CATSPERD: variants seen among roughly 807,000 people sequenced by gnomAD.
CATSPERD encodes the protein catsper channel auxiliary subunit delta.
CATSPERD carries 86 observed loss-of-function variants against 98.1 expected under a neutral mutation model. The observed-to-expected ratio is 0.88, with a 90% CI of 0.74 to 1.05. The LOEUF (loss-of-function observed/expected upper bound fraction) is 1.05, where lower values mean the gene tolerates loss of function less well. Among genes scored for constraint, CATSPERD ranks in the 50% least tolerant of loss-of-function variants. CATSPERD has a pLI of 0.00. For missense variants in CATSPERD, 995 were observed against 1,005.7 expected (o/e 0.99, Z 0.14); for synonymous variants, 394 against 390.2 (o/e 1.01, Z -0.12).
At chr19:5,762,059 T>TA (rs1491269022) in intron 15 of CATSPERD, among the ~76,000 whole-genome samples, 36 of 18,566 alleles carry the variant, frequency 1.9e-3, no homozygotes, top group African/African-American at 3.0e-3. Flanking sequence ...TATATATATA[T>TA]TTTTTTTTTT....
intron 3 of CATSPERD, among the ~76,000 whole-genome samples, chr19:5,728,356 CAAAAA>C (rs564166119): frequency 1.2e-5 from 1 of 80,944 alleles, no homozygotes. Flanking sequence ...GACTCTGTCT[CAAAAA>C]AAAAAAAAAA....
intron 2 of CATSPERD, among the ~76,000 whole-genome samples, chr19:5,725,631 G>A (rs561793990): frequency 1.3e-5 from 2 of 152,280 alleles, no homozygotes; most frequent in East Asian, 1.9e-4. Context: ...GCCAGGTGAG[G>A]TGGCTTATGC....
chr19:5,763,882 C>G (rs1040141546), intron 16 of CATSPERD, among the ~76,000 whole-genome samples: 1 of 69,510 alleles, frequency 1.4e-5, no homozygotes, highest in African/African-American at 4.4e-5. Flanking sequence ...GAGTCTTACT[C>G]TGTCGCCCAG....
In CATSPERD at chr19:5,722,417, G is replaced by A. The variant is rs371349495; in HGVS notation, c.71+1609G>A. 3.4e-4 allele frequency among the ~76,000 whole-genome samples: 52 copies of A among 152,176 alleles called. No individual in the cohort carries two copies. In the East Asian group the frequency reaches 5.6e-3, roughly 16 times the overall value. ...CTTACAGGCGTGTGCCACCGCGCCC[G>A]GCCAACACCCTTATTTTATAGATAC... On this transcript the variant is annotated intron_variant, in intron 1 of 21. Coordinates refer to ENST00000381624, the MANE Select transcript of CATSPERD (RefSeq NM_152784.4).
chr19:5,743,606 G>GAAAAA (rs58070165), intron 7 of CATSPERD, among the ~76,000 whole-genome samples: 5 of 140,058 alleles, frequency 3.6e-5, no homozygotes, highest in African/African-American at 8.0e-5. Context: ...CTCAAAAAAA[G>GAAAAA]AAAAAAAGAA....
In CATSPERD at chr19:5,724,846, TACAG is replaced by T. The variant is rs1282824554; in HGVS notation, c.111_114del (p.Ile37MetfsTer17). 6.2e-7 allele frequency: 1 copy of T among 1,613,994 alleles called. No individual in the cohort carries two copies. Among genetic ancestry groups the T allele is most frequent in the African/African-American group, 1.3e-5 (1 of 74,948 alleles). ...AGGACAGGAAAAGTGTTTAATCTGA[TACAG>T]GACGTTCAAGGGGTATGTGGCTCCA... is the stretch of plus-strand genomic sequence containing the variant. On this transcript the variant is annotated frameshift_variant, in exon 2 of 22. Coordinates refer to ENST00000381624, the MANE Select transcript of CATSPERD (RefSeq NM_152784.4). LOFTEE classifies it high-confidence loss of function.
intron 21 of CATSPERD, 144 bp from the exon 22 acceptor site, chr19:5,778,232 T>C (rs1006457495): frequency 1.8e-6 from 1 of 552,548 alleles, no homozygotes; most frequent in African/African-American, 2.1e-5. Context: ...AAAGGCATAG[T>C]GGATGGAAAC....
intron 1 of CATSPERD, among the ~76,000 whole-genome samples, chr19:5,721,244 C>G (rs1000246957): frequency 1.3e-5 from 2 of 152,116 alleles, no homozygotes; most frequent in Admixed American, 1.3e-4. Context: ...CCTCGTGACC[C>G]GCCTGCCTCG....
chr19:5,746,109 C>CT (rs766377761), intron 9 of CATSPERD, 46 bp downstream of exon 9: 5 of 1,588,926 alleles, frequency 3.1e-6, no homozygotes, highest in Non-Finnish European at 3.4e-6. Context: ...GTGGCCTCCT[C>CT]CAGAGGGGCC....
chr19:5,772,394 A>G, intron 19 of CATSPERD: 1 of 252,206 alleles, frequency 4.0e-6, no homozygotes, highest in South Asian at 3.5e-5. Flanking sequence ...CGCCCGGCTA[A>G]TTTTTTTTAT....
chr19:5,720,674 T>C lies in CATSPERD; in HGVS notation c.-64T>C. 4.6e-6 allele frequency: 7 copies of C among 1,514,286 alleles called. No individual in the cohort carries two copies. The highest frequency in any genetic ancestry group is 6.3e-6 in the Non-Finnish European group (7 of 1,107,810). 93.8% of individuals were successfully genotyped at this position (1,514,286 alleles called of 1,614,324 possible). Reference sequence around the variant, plus strand: ...GCGCAGGGCTTCAGCCTGCACGTACTCGGATTGTGCAGCGACTCCCCGTGG... The same window carrying C: ...GCGCAGGGCTTCAGCCTGCACGTACCCGGATTGTGCAGCGACTCCCCGTGG... On this transcript the variant is annotated 5_prime_UTR_variant, in exon 1 of 22. Transcript: ENST00000381624.
chr19:5,751,079 G>A (rs1231402967), intron 11 of CATSPERD, among the ~76,000 whole-genome samples: 1 of 150,266 alleles, frequency 6.7e-6, no homozygotes, highest in Non-Finnish European at 1.5e-5. Flanking sequence ...CGGGCATGGT[G>A]GTGCGACTGT....
At chr19:5,765,425 C>T (rs868034524) in intron 16 of CATSPERD, among the ~76,000 whole-genome samples, 5 of 126,888 alleles carry the variant, frequency 3.9e-5, no homozygotes, top group African/African-American at 2.2e-4. Flanking sequence ...TTCATTCATT[C>T]ATTCATTCAT....
chr19:5,770,875 G>A, intron 18 of CATSPERD, 69 bp from the exon 19 acceptor site: 2 of 1,527,066 alleles, frequency 1.3e-6, no homozygotes, highest in East Asian at 2.3e-5. Context: ...AGAAACTGCG[G>A]CTGTGAAGGG....
intron 10 of CATSPERD, 107 bp from the exon 11 acceptor site, chr19:5,748,994 T>C: frequency 1.2e-6 from 1 of 831,174 alleles, no homozygotes; most frequent in East Asian, 3.2e-5. Context: ...CCTCTCAAAG[T>C]GTTGGAATTA....
rs1017837155 is a variant in CATSPERD at position 5,720,647 on chromosome 19, A to G, written c.-91A>G. ...CCGCTCCCGGGACTCATTGATGCGC[A>G]TGCGCAGGGCTTCAGCCTGCACGTA... On this transcript the variant is annotated 5_prime_UTR_variant, in exon 1 of 22. It removes an upstream start codon present in the reference 5' UTR. Transcript: ENST00000381624. 48 of 1,292,968 alleles carry G rather than the reference A, an allele frequency of 3.7e-5. No homozygotes were observed. The highest frequency in any genetic ancestry group is 4.8e-5 in the Non-Finnish European group (44 of 921,638). 80.1% of individuals were successfully genotyped at this position (1,292,968 alleles called of 1,614,324 possible).
chr19:5,772,868 A>G lies in CATSPERD; in HGVS notation c.1844A>G (p.Tyr615Cys). 6.2e-7 allele frequency: 1 copy of G among 1,614,040 alleles called. No homozygotes were observed. Among genetic ancestry groups the G allele is most frequent in the Middle Eastern group, 1.6e-4 (1 of 6,062 alleles). The change falls in exon 20 of 22, where the codon TAT (tyrosine) becomes TGT (cysteine). Residue 615 changes from tyrosine to cysteine, a missense_variant. By Grantham distance (194) the Tyr-to-Cys change is radical. Around this residue, in one of 3 missense-constraint regions of CATSPERD, gnomAD observed 762 missense variants for 773.7 expected, o/e 0.98. Coordinates refer to ENST00000381624, the MANE Select transcript of CATSPERD (RefSeq NM_152784.4). ...GTGAACGGGCAGTTCTCATACTCCT[A>G]TTCCCTGACGGCCCAGTCGGCCATG... ...LEVNGQFSYS[Y>C]SLTAQSAMCT...
chr19:5,733,238 C>A (rs1429263905), intron 4 of CATSPERD, among the ~76,000 whole-genome samples: 4 of 152,056 alleles, frequency 2.6e-5, no homozygotes. Context: ...AGGTGATTCA[C>A]CTGCCTTGGC....
intron 7 of CATSPERD, among the ~76,000 whole-genome samples, chr19:5,741,572 T>C (rs145035843): frequency 6.6e-6 from 1 of 151,982 alleles, no homozygotes; most frequent in East Asian, 1.9e-4. Flanking sequence ...AGACCATACA[T>C]TGATAGTACA....
Sources: gnomAD v4.1 joint callset for allele counts (sites outside exome capture counted in the v4.1 genomes callset) on GRCh38, gnomAD v4.1.1 for gene constraint, gnomAD v4.1.1 regional missense constraint, MANE v1.5 for transcripts, NCBI Gene and HGNC (gene_info 2026-07-23, HGNC 2026-07-21) for gene names.